AP4M1: variants seen among roughly 807,000 people sequenced by gnomAD.
AP4M1 encodes the protein adaptor related protein complex 4 subunit mu 1.
Under a neutral mutation model 62.4 loss-of-function variants are expected in AP4M1, and 58 were observed. The observed-to-expected ratio is 0.93, with a 90% CI of 0.75 to 1.16. The LOEUF is 1.16. Ranked by LOEUF, AP4M1 falls within the 50% of genes most tolerant of loss-of-function variation. The pLI, the probability that AP4M1 is intolerant of heterozygous loss-of-function variation, is 0.00. For synonymous variants in AP4M1, 290 were observed against 239.7 expected (o/e 1.21, Z -1.94); for missense variants, 626 against 585.4 (o/e 1.07, Z -0.72).
chr7:100,100,992 C>T (rs1795985511), upstream of AP4M1: 2 of 889,604 alleles, frequency 2.2e-6, no homozygotes, highest in African/African-American at 3.4e-5. Flanking sequence ...CCTGTGCAGC[C>T]CCCAGCCGGG....
Position 100,107,716 on chromosome 7 carries a change from A to G in AP4M1, c.*834A>G. ...CGCTTCACTCGCTCCCTGCCTGAAC[A>G]AGTTGTTCCTGTAGTTCACCCTGTA... On this transcript the variant is annotated 3_prime_UTR_variant, in exon 15 of 15. Coordinates refer to ENST00000359593, the MANE Select transcript of AP4M1 (RefSeq NM_004722.4). 1 of 1,525,524 alleles carries G rather than the reference A, an allele frequency of 6.6e-7. No homozygotes were observed. 94.5% of individuals were successfully genotyped at this position (1,525,524 alleles called of 1,614,324 possible). A position where few individuals can be genotyped will look rare whatever the true frequency, so the allele number is the denominator to read the frequency against.
intron 2 of AP4M1, 186 bp from the exon 3 acceptor site, chr7:100,102,489 G>C: frequency 1.5e-6 from 1 of 653,856 alleles, no homozygotes; most frequent in Non-Finnish European, 2.8e-6. Context: ...AGCAACTCGG[G>C]GTAGTTAGTG....
Position 100,105,454 on chromosome 7 carries a change from A to T in AP4M1, c.844A>T (p.Met282Leu). The T allele has an allele frequency of 6.2e-7, 1 of 1,614,020 alleles. No homozygotes were observed. Residue 282 changes from methionine (M) to leucine (L), a missense_variant, in exon 11 of 15, where the codon ATG (methionine) becomes TTG (leucine). By Grantham distance (15) the Met-to-Leu change is conservative. Coordinates refer to ENST00000359593, the MANE Select transcript of AP4M1 (RefSeq NM_004722.4). Reference sequence around the variant, plus strand: ...CTCTCTGGTCTCTCAGCTGACTGTGATGCGGTACCAACTCTCCGATGACCT... The same window carrying T: ...CTCTCTGGTCTCTCAGCTGACTGTGTTGCGGTACCAACTCTCCGATGACCT... ...LQPPQGELTV[M>L]RYQLSDDLPS...
Position 100,105,260 on chromosome 7 carries a change from G to A in AP4M1, c.748G>A (p.Val250Ile). The A allele has an allele frequency of 1.2e-6, 2 of 1,614,142 alleles. No homozygotes were observed. The highest frequency in any genetic ancestry group is 2.2e-5 in the East Asian group (1 of 44,880). The change falls in exon 10 of 15, where the codon GTC (valine) becomes ATC (isoleucine). Residue 250 changes from valine (V) to isoleucine (I), a missense_variant. Val to Ile is a conservative substitution (Grantham distance 29, BLOSUM62 3). Transcript: ENST00000359593. Reference protein sequence around the residue: ...ELRGYGPGIRVDEVSFHSSVN... With the variant: ...ELRGYGPGIRIDEVSFHSSVN... ...TCCAGGTTATGGGCCAGGAATCCGGGTCGATGAAGTCTCGTTTCACAGCTC... is the reference window on the plus strand; with the variant it reads ...TCCAGGTTATGGGCCAGGAATCCGGATCGATGAAGTCTCGTTTCACAGCTC...
intron 7 of AP4M1, 70 bp downstream of exon 7, chr7:100,104,224 A>T (rs1317993609): frequency 7.4e-7 from 1 of 1,343,034 alleles, no homozygotes; most frequent in Non-Finnish European, 1.1e-6. Flanking sequence ...GGTGGCTAAG[A>T]CTCCCAGCAA....
Position 100,105,956 on chromosome 7 carries a change from C to T in AP4M1, c.930-3C>T. 6.2e-7 allele frequency: 1 copy of T among 1,614,158 alleles called. No individual in the cohort carries two copies. The highest frequency in any genetic ancestry group is 1.1e-5 in the South Asian group (1 of 91,088). On this transcript the variant is annotated splice_polypyrimidine_tract_variant and splice_region_variant and intron_variant, in intron 11 of 14. Coordinates refer to ENST00000359593, the MANE Select transcript of AP4M1 (RefSeq NM_004722.4). Reference sequence around the variant, plus strand: ...AGTCGTGGTGTTTTACCCTCTCATCCAGGCTCCAGGTTTATCTAAAGTTGC... The same window carrying T: ...AGTCGTGGTGTTTTACCCTCTCATCTAGGCTCCAGGTTTATCTAAAGTTGC...
At chr7:100,105,707 G>A (rs576226677) in intron 11 of AP4M1, among the ~76,000 whole-genome samples, 168 bp downstream of exon 11, 4 of 152,090 alleles carry the variant, frequency 2.6e-5, no homozygotes, top group African/African-American at 9.7e-5. Context: ...AGCACTTTGG[G>A]AGGCTGAGGC....
At position 100,107,482 on chromosome 7, in the gene AP4M1, G is replaced by C; in HGVS notation, c.*600G>C. ...ACGATGTACTTCTGGACACTCCCAG[G>C]ACCAGAGGGAGCAGTGCTGGGGGGT... On this transcript the variant is annotated 3_prime_UTR_variant, in exon 15 of 15. Coordinates refer to ENST00000359593, the MANE Select transcript of AP4M1 (RefSeq NM_004722.4). 1 of 1,614,056 alleles carries C rather than the reference G, an allele frequency of 6.2e-7. No individual in the cohort carries two copies. Among genetic ancestry groups the C allele is most frequent in the African/African-American group, 1.3e-5 (1 of 75,070 alleles).
upstream of AP4M1, chr7:100,101,389 A>G: frequency 6.4e-7 from 1 of 1,555,896 alleles, no homozygotes; most frequent in South Asian, 1.1e-5. Flanking sequence ...TGGCCGGCCA[A>G]CCGAAATTGG....
intron 12 of AP4M1, 100 bp from the exon 13 acceptor site, chr7:100,106,141 T>C: frequency 1.3e-6 from 2 of 1,552,106 alleles, no homozygotes; most frequent in Non-Finnish European, 1.8e-6. Flanking sequence ...TTTGGGAAGG[T>C]GGGGGGCACC....
Position 100,108,650 on chromosome 7 carries a change from A to T in AP4M1, c.*1768A>T. On this transcript the variant is annotated 3_prime_UTR_variant, in exon 15 of 15. Transcript: ENST00000359593. ...AACCTTGGGGATGGGGTAAAAAAGG[A>T]CATTCCTTATCATCTCAGTGCCCCT... 2 of 1,265,712 alleles carry T rather than the reference A, an allele frequency of 1.6e-6. No individual in the cohort carries two copies. Among genetic ancestry groups the T allele is most frequent in the Non-Finnish European group, 2.2e-6 (2 of 921,544 alleles). The allele number at this position is 1,265,712 out of a possible 1,614,324, so 78.4% of individuals were successfully genotyped here.
intron 4 of AP4M1, 176 bp from the exon 5 acceptor site, chr7:100,103,233 A>G (rs1387167151): frequency 5.7e-6 from 4 of 701,412 alleles, no homozygotes; most frequent in Non-Finnish European, 7.6e-6. Context: ...TGTAGAGACT[A>G]GAGTCTCACT....
upstream of AP4M1, chr7:100,101,197 CACACCA>C (rs1796004177): frequency 1.9e-6 from 3 of 1,593,104 alleles, no homozygotes; most frequent in Non-Finnish European, 8.6e-7. Context: ...GACCCCAGCT[CACACCA>C]ACAGGTGTTC....
At chr7:100,106,079 C>T in intron 12 of AP4M1, 76 bp downstream of exon 12, 2 of 1,573,970 alleles carry the variant, frequency 1.3e-6, no homozygotes, top group Non-Finnish European at 1.7e-6. Flanking sequence ...CTGCTTCTCC[C>T]TTCAGATGCA....
chr7:100,105,821 T>C lies in AP4M1; in HGVS notation c.930-138T>C, dbSNP rs1002943469. Reference sequence around the variant, plus strand: ...AAGGAAAAAGCTTTGGCTAATGGAGTTGGGCTGGGCTTCAGCCCTTTTCCC... The same window carrying C: ...AAGGAAAAAGCTTTGGCTAATGGAGCTGGGCTGGGCTTCAGCCCTTTTCCC... On this transcript the variant is annotated intron_variant, in intron 11 of 14. Coordinates refer to ENST00000359593, the MANE Select transcript of AP4M1 (RefSeq NM_004722.4). 27 of 1,072,728 alleles carry C rather than the reference T, an allele frequency of 2.5e-5. No homozygotes were observed. The African/African-American group carries it at 3.6e-4, about 14-fold the overall frequency. The allele number at this position is 1,072,728 out of a possible 1,614,324, so 66.5% of individuals were successfully genotyped here.
At chr7:100,101,545 G>GT, upstream of AP4M1, 4 of 813,580 alleles carry the variant, frequency 4.9e-6, no homozygotes, top group Non-Finnish European at 8.2e-6. Flanking sequence ...CGTCGGAAGG[G>GT]AATCTCCGGG....
Position 100,107,433 on chromosome 7 carries a change from T to C in AP4M1, c.*551T>C. ...ATGGGAGGTGGGGCCTCCTTTGCCC[T>C]CCCCTGTTGGGGGAAGTGAGACCAC... On this transcript the variant is annotated 3_prime_UTR_variant, in exon 15 of 15. Coordinates refer to ENST00000359593, the MANE Select transcript of AP4M1 (RefSeq NM_004722.4). 6.2e-7 allele frequency: 1 copy of C among 1,610,838 alleles called. No homozygotes were observed. The highest frequency in any genetic ancestry group is 8.5e-7 in the Non-Finnish European group (1 of 1,177,780).
chr7:100,101,425 C>T, upstream of AP4M1: 1 of 1,266,510 alleles, frequency 7.9e-7, no homozygotes, highest in Non-Finnish European at 1.1e-6. Context: ...CCCACGTGAC[C>T]GGCGCCACTG....
At chr7:100,101,194 G>C (rs1796003670), upstream of AP4M1, 9 of 1,590,768 alleles carry the variant, frequency 5.7e-6, no homozygotes, top group South Asian at 1.1e-5. Context: ...CAAGACCCCA[G>C]CTCACACCAA....
Sources: gnomAD v4.1 joint callset for allele counts (sites outside exome capture counted in the v4.1 genomes callset) on GRCh38, gnomAD v4.1.1 for gene constraint, MANE v1.5 for transcripts, NCBI Gene and HGNC (gene_info 2026-07-23, HGNC 2026-07-21) for gene names.